Variants in USP47 observed in about 807,000 individuals in gnomAD.
The protein encoded by USP47 is ubiquitin carboxyl-terminal hydrolase 47.
A neutral mutation model predicts 165.1 loss-of-function variants in USP47; 35 were observed. The ratio of observed to expected loss-of-function variants is 0.21; its 90% CI spans 0.16 to 0.28. The LOEUF is 0.28. Among genes scored for constraint, USP47 ranks in the 10% least tolerant of loss-of-function variants. USP47 has a pLI of 1.00. For missense variants in USP47, 1,277 were observed against 1,607.4 expected (o/e 0.79, Z 3.52); for synonymous variants, 531 against 544.5 (o/e 0.98, Z 0.35).
intron 12 of USP47, 50 bp downstream of exon 12, chr11:11,929,615 T>A: frequency 6.3e-7 from 1 of 1,594,870 alleles, no homozygotes; most frequent in Non-Finnish European, 8.5e-7. Flanking sequence ...GGAGTAAGGA[T>A]GTTTCTAAAC....
chr11:11,945,203 A>G (rs1442547399), intron 20 of USP47, among the ~76,000 whole-genome samples: 1 of 152,168 alleles, frequency 6.6e-6, no homozygotes, highest in African/African-American at 2.4e-5. Context: ...ATAGGGGAGT[A>G]GGGATAGCAG....
intron 5 of USP47, among the ~76,000 whole-genome samples, chr11:11,900,086 C>A (rs1329352618): frequency 6.7e-6 from 1 of 149,146 alleles, no homozygotes; most frequent in African/African-American, 2.5e-5. Context: ...GTAGCCCTAG[C>A]ATAAAAGGAT....
At chr11:11,859,504 A>G (rs1022042487) in intron 1 of USP47, among the ~76,000 whole-genome samples, 1 of 152,290 alleles carries the variant, frequency 6.6e-6, no homozygotes, top group South Asian at 2.1e-4. Context: ...TAAATTATGT[A>G]TCTACATAGT....
At chr11:11,865,006 A>G (rs1849590201) in intron 1 of USP47, among the ~76,000 whole-genome samples, 1 of 152,140 alleles carries the variant, frequency 6.6e-6, no homozygotes, top group Non-Finnish European at 1.5e-5. Context: ...GTGATCAGAG[A>G]AATCTGCTGT....
chr11:11,948,172 T>A, intron 21 of USP47, 52 bp downstream of exon 21: 2 of 1,545,552 alleles, frequency 1.3e-6, no homozygotes, highest in Non-Finnish European at 1.7e-6. Flanking sequence ...ATGATAGATT[T>A]GAGAACAGCT....
chr11:11,910,867 C>T (rs1040889680), intron 8 of USP47, among the ~76,000 whole-genome samples: 3 of 152,086 alleles, frequency 2.0e-5, no homozygotes, highest in African/African-American at 7.2e-5. Flanking sequence ...ATTAAAAAAT[C>T]ACAAATCTCA....
At chr11:11,895,996 T>G (rs1851820601) in intron 4 of USP47, among the ~76,000 whole-genome samples, 1 of 152,226 alleles carries the variant, frequency 6.6e-6, no homozygotes, top group Non-Finnish European at 1.5e-5. Flanking sequence ...GTTTGTTGAT[T>G]TAGACAATGC....
chr11:11,841,986 TG>T lies in USP47; in HGVS notation c.-198del. On this transcript the variant is annotated 5_prime_UTR_variant, in exon 1 of 28. Transcript: ENST00000527733. ...GAGGGGCCGACGACGAAGGCGGCTG[TG>T]GTAGCGGCGGCGGCGGCGGCGGAGC... 3.7e-6 allele frequency: 2 copies of T among 538,802 alleles called. No homozygotes were observed. Among genetic ancestry groups the T allele is most frequent in the East Asian group, 3.3e-5 (1 of 29,982 alleles). The allele number at this position is 538,802 out of a possible 1,614,324, so 33.4% of individuals were successfully genotyped here. A position where few individuals can be genotyped will look rare whatever the true frequency, so the allele number is the denominator to read the frequency against.
intron 1 of USP47, among the ~76,000 whole-genome samples, chr11:11,848,645 T>C (rs1848559099): frequency 6.7e-6 from 1 of 149,382 alleles, no homozygotes; most frequent in African/African-American, 2.5e-5. Flanking sequence ...AGTCTCACTC[T>C]GTCACCCAGG....
At chr11:11,896,101 T>C (rs1412604698) in intron 4 of USP47, among the ~76,000 whole-genome samples, 2 of 152,172 alleles carry the variant, frequency 1.3e-5, no homozygotes, top group African/African-American at 4.8e-5. Context: ...TGTGACACAG[T>C]GTTCATTCTG....
At chr11:11,933,754 A>G (rs1374446857) in intron 15 of USP47, 77 bp from the exon 16 acceptor site, 3 of 1,006,394 alleles carry the variant, frequency 3.0e-6, no homozygotes, top group Non-Finnish European at 4.5e-6. Flanking sequence ...TATTTTGACA[A>G]TTAGGAATAA....
chr11:11,954,215 A>T lies in USP47; in HGVS notation c.3715-682A>T, dbSNP rs533666710. On this transcript the variant is annotated intron_variant, in intron 25 of 27. Transcript: ENST00000527733. ...CAGTGAACCAAGATTGCACCACTGCACTCCAGTCTAGGTGATGGAGTGAGA... is the reference window on the plus strand; with the variant it reads ...CAGTGAACCAAGATTGCACCACTGCTCTCCAGTCTAGGTGATGGAGTGAGA... 6.6e-5 allele frequency among the ~76,000 whole-genome samples: 10 copies of T among 152,100 alleles called. No individual in the cohort carries two copies. In the South Asian group the frequency reaches 1.9e-3, roughly 28 times the overall value.
chr11:11,843,735 C>G (rs552980432), intron 1 of USP47, among the ~76,000 whole-genome samples: 38 of 152,268 alleles, frequency 2.5e-4, no homozygotes, highest in African/African-American at 8.7e-4. Context: ...TCCCTAATAA[C>G]TTGATTTATA....
chr11:11,952,972 C>G (rs186863463), intron 25 of USP47, 101 bp downstream of exon 25: 16 of 974,168 alleles, frequency 1.6e-5, no homozygotes, highest in Non-Finnish European at 2.0e-5. Flanking sequence ...TCCTGTGTTG[C>G]GTAAGAGAAA....
chr11:11,934,686 A>T (rs1258097049), intron 16 of USP47, among the ~76,000 whole-genome samples: 1 of 152,076 alleles, frequency 6.6e-6, no homozygotes, highest in African/African-American at 2.4e-5. Flanking sequence ...GAAATTAGAG[A>T]TTTTGTGAAA....
chr11:11,952,876 G>A lies in USP47; in HGVS notation c.3714+5G>A, dbSNP rs781213125. ...GTGGACGAATTGCGAGAGAAGGTAA[G>A]TTCATTTTAAACAAAACATGTATCT... On this transcript the variant is annotated splice_donor_5th_base_variant and intron_variant, in intron 25 of 27. Coordinates refer to ENST00000527733, the MANE Select transcript of USP47 (RefSeq NM_001282659.2). 6.3e-7 allele frequency: 1 copy of A among 1,590,236 alleles called. No individual in the cohort carries two copies. Among genetic ancestry groups the A allele is most frequent in the Admixed American group, 1.7e-5 (1 of 57,656 alleles).
chr11:11,941,716 TA>T (rs1439855935), intron 19 of USP47, among the ~76,000 whole-genome samples: 1 of 151,992 alleles, frequency 6.6e-6, no homozygotes, highest in Non-Finnish European at 1.5e-5. Context: ...AGAACTCTTT[TA>T]AAAAAATGAC....
Position 11,956,246 on chromosome 11 carries a change from G to C in USP47, c.*71G>C. ...AGATGGTTCACTACCACTGGGTAGT[G>C]CCATTTTGGCCGGACATGGTTGGGG... On this transcript the variant is annotated 3_prime_UTR_variant, in exon 28 of 28. Coordinates refer to ENST00000527733, the MANE Select transcript of USP47 (RefSeq NM_001282659.2). 1 of 1,564,154 alleles carries C rather than the reference G, an allele frequency of 6.4e-7. No homozygotes were observed. The highest frequency in any genetic ancestry group is 1.2e-5 in the South Asian group (1 of 85,940).
chr11:11,915,926 A>G (rs780583618), intron 8 of USP47, among the ~76,000 whole-genome samples: 55 of 152,298 alleles, frequency 3.6e-4, no homozygotes, highest in Admixed American at 1.7e-3. Flanking sequence ...TCATTTCTCT[A>G]TTCAAAATTA....
Sources: gnomAD v4.1 joint callset for allele counts (sites outside exome capture counted in the v4.1 genomes callset) on GRCh38, gnomAD v4.1.1 for gene constraint, MANE v1.5 for transcripts, NCBI Gene and HGNC (gene_info 2026-07-23, HGNC 2026-07-21) for gene names.